DLG2: variants seen among roughly 807,000 people sequenced by gnomAD.
DLG2 encodes the protein disks large homolog 2.
Under a neutral mutation model 132.5 loss-of-function variants are expected in DLG2, and 45 were observed. That is an observed-to-expected ratio of 0.34 (90% CI 0.27 to 0.44). DLG2 has a LOEUF of 0.44. DLG2 is among the 20% of genes least tolerant of loss of function. The pLI, the probability that DLG2 is intolerant of heterozygous loss-of-function variation, is 1.00. For synonymous variants in DLG2, 424 were observed against 419.6 expected (o/e 1.01, Z -0.13); for missense variants, 1,045 against 1,196.9 (o/e 0.87, Z 1.87).
At chr11:85,098,200 C>T (rs1053784742) in intron 6 of DLG2, among the ~76,000 whole-genome samples, 4 of 152,104 alleles carry the variant, frequency 2.6e-5, no homozygotes, top group African/African-American at 7.2e-5. Flanking sequence ...GATTTTAACC[C>T]GGTACTGAGT....
intron 3 of DLG2, among the ~76,000 whole-genome samples, chr11:85,533,007 TTTGTTGTTGTTG>T (rs142405019): frequency 1.3e-5 from 2 of 151,122 alleles, no homozygotes; most frequent in Non-Finnish European, 1.5e-5. Flanking sequence ...CTAAGGTGTT[TTTGTTGTTGTTG>T]TTGTTGTTGT....
At chr11:85,486,484 TC>T (rs2093432224) in intron 3 of DLG2, among the ~76,000 whole-genome samples, 2 of 152,028 alleles carry the variant, frequency 1.3e-5, no homozygotes, top group Non-Finnish European at 2.9e-5. Context: ...CCTAATCCTA[TC>T]CCCCAAGTAC....
intron 7 of DLG2, among the ~76,000 whole-genome samples, chr11:84,521,214 T>A (rs954003579): frequency 6.6e-6 from 1 of 152,228 alleles, no homozygotes; most frequent in African/African-American, 2.4e-5. Context: ...TTTGGCCCTT[T>A]ACTAAAGCTG....
chr11:84,620,798 A>T (rs917929068), intron 6 of DLG2, among the ~76,000 whole-genome samples: 10 of 152,086 alleles, frequency 6.6e-5, no homozygotes, highest in African/African-American at 2.4e-4. Flanking sequence ...ATTTGACATG[A>T]TCTTGTCAAG....
intron 3 of DLG2, among the ~76,000 whole-genome samples, chr11:85,591,335 A>G (rs2079316829): frequency 6.6e-6 from 1 of 152,236 alleles, no homozygotes; most frequent in Admixed American, 6.5e-5. Context: ...TTTTAAAAGC[A>G]TAAATATCAA....
At chr11:83,833,591 A>T (rs1289149859) in intron 17 of DLG2, 23 bp downstream of exon 17, 1 of 1,599,502 alleles carries the variant, frequency 6.3e-7, no homozygotes, top group East Asian at 2.2e-5. Context: ...TGGAGGGAAT[A>T]AAGATTAAAG....
intron 7 of DLG2, among the ~76,000 whole-genome samples, chr11:84,307,211 G>T (rs2098229236): frequency 6.6e-6 from 1 of 152,202 alleles, no homozygotes; most frequent in African/African-American, 2.4e-5. Flanking sequence ...CATAGATGCA[G>T]CTGGAGGTCA....
chr11:85,221,713 C>A lies in DLG2; in HGVS notation c.186+63507G>T, dbSNP rs2074656549. 1.3e-5 allele frequency among the ~76,000 whole-genome samples: 2 copies of A among 152,216 alleles called. 1 individual carries two copies. Among genetic ancestry groups the A allele is most frequent in the East Asian group, 3.9e-4 (2 of 5,174 alleles). Reference sequence around the variant, plus strand: ...TATAAGAATTATGATCTTTATTTTGCAGTTGAGGAAACTGAAGCTCAAAGA... The same window carrying A: ...TATAAGAATTATGATCTTTATTTTGAAGTTGAGGAAACTGAAGCTCAAAGA... On this transcript the variant is annotated intron_variant, in intron 4 of 27. Coordinates refer to ENST00000376104, the MANE Select transcript of DLG2 (RefSeq NM_001142699.3).
At chr11:84,230,121 G>T (rs1372308459) in intron 8 of DLG2, among the ~76,000 whole-genome samples, 1 of 151,988 alleles carries the variant, frequency 6.6e-6, no homozygotes, top group Non-Finnish European at 1.5e-5. Flanking sequence ...AATTTTTTTG[G>T]TGGTAGCCAT....
intron 3 of DLG2, among the ~76,000 whole-genome samples, chr11:85,500,235 A>C (rs192132646): frequency 7.4e-4 from 113 of 152,186 alleles, no homozygotes; most frequent in African/African-American, 2.6e-3. Flanking sequence ...GTTAATAAGC[A>C]ACTTCAGCAA....
chr11:84,642,500 T>C (rs929245842), intron 6 of DLG2, among the ~76,000 whole-genome samples: 2 of 152,136 alleles, frequency 1.3e-5, no homozygotes, highest in African/African-American at 4.8e-5. Context: ...TTAAATCAAA[T>C]AGCTCCTATG....
intron 7 of DLG2, among the ~76,000 whole-genome samples, chr11:84,501,186 C>A (rs1590918773): frequency 6.6e-6 from 1 of 152,218 alleles, no homozygotes; most frequent in East Asian, 1.9e-4. Context: ...AAATATAAAA[C>A]TTATATTTTA....
chr11:83,579,912 G>A (rs1381841457), intron 19 of DLG2, among the ~76,000 whole-genome samples: 2 of 152,026 alleles, frequency 1.3e-5, no homozygotes, highest in East Asian at 3.9e-4. Flanking sequence ...GGAGGGTGCA[G>A]TGAGCCGAGA....
At chr11:84,170,122 A>G (rs1566797556) in intron 8 of DLG2, among the ~76,000 whole-genome samples, 1 of 152,102 alleles carries the variant, frequency 6.6e-6, no homozygotes, top group Non-Finnish European at 1.5e-5. Context: ...GTCTCCAGAA[A>G]AATCTTTAGA....
At chr11:85,070,169 G>A (rs558546103) in intron 6 of DLG2, among the ~76,000 whole-genome samples, 1 of 152,046 alleles carries the variant, frequency 6.6e-6, no homozygotes, top group Admixed American at 6.6e-5. Context: ...GGGTGGAGAG[G>A]GGAGGGATAG....
At chr11:83,918,499 A>G (rs1227778343) in intron 15 of DLG2, among the ~76,000 whole-genome samples, 1 of 152,140 alleles carries the variant, frequency 6.6e-6, no homozygotes, top group African/African-American at 2.4e-5. Flanking sequence ...TTGCTCCTGA[A>G]CCTGAATGTT....
intron 3 of DLG2, among the ~76,000 whole-genome samples, chr11:85,493,488 G>A (rs1218521337): frequency 6.6e-6 from 1 of 152,130 alleles, no homozygotes; most frequent in Admixed American, 6.6e-5. Context: ...AAAGTACCAT[G>A]AACTGCGTAA....
intron 2 of DLG2, among the ~76,000 whole-genome samples, chr11:85,607,571 A>G (rs1343920999): frequency 1.3e-5 from 2 of 152,152 alleles, no homozygotes; most frequent in African/African-American, 4.8e-5. Context: ...AGTTTCTCCT[A>G]TAAGAATGAT....
intron 4 of DLG2, among the ~76,000 whole-genome samples, chr11:85,178,058 A>G (rs1035974445): frequency 6.6e-6 from 1 of 152,136 alleles, no homozygotes; most frequent in African/African-American, 2.4e-5. Flanking sequence ...AATGCAATGT[A>G]TAACACTAGA....
Sources: gnomAD v4.1 joint callset for allele counts (sites outside exome capture counted in the v4.1 genomes callset) on GRCh38, gnomAD v4.1.1 for gene constraint, MANE v1.5 for transcripts, NCBI Gene and HGNC (gene_info 2026-07-23, HGNC 2026-07-21) for gene names.